PTPRD: variants seen among roughly 807,000 people sequenced by gnomAD.
The protein encoded by PTPRD is receptor-type tyrosine-protein phosphatase delta.
Under a neutral mutation model 214.5 loss-of-function variants are expected in PTPRD, and 34 were observed. The ratio of observed to expected loss-of-function variants is 0.16; its 90% CI spans 0.12 to 0.21. PTPRD has a LOEUF of 0.21. Ranked by LOEUF, PTPRD falls within the 10% of genes least tolerant of loss-of-function variation. The pLI is 1.00. For synonymous variants in PTPRD, 1,128 were observed against 845.7 expected (o/e 1.33, Z -5.79); for missense variants, 2,545 against 2,398.7 (o/e 1.06, Z -1.27).
Position 9,358,856 on chromosome 9 carries a change from G to T in PTPRD, c.-203+38593C>A, listed in dbSNP as rs144726385. ...CATTCTTGTATAGGAAACTCAAGGC[G>T]AGACGAACCAACTCTGAGAAGCCCA... On this transcript the variant is annotated intron_variant, in intron 9 of 45. Transcript: ENST00000381196. 2.6e-3 allele frequency among the ~76,000 whole-genome samples: 392 copies of T among 151,384 alleles called. 1 individual carries two copies. Among genetic ancestry groups the T allele is most frequent in the African/African-American group, 9.1e-3 (378 of 41,446 alleles).
intron 3 of PTPRD, among the ~76,000 whole-genome samples, chr9:10,170,655 C>A (rs1026344924): frequency 6.6e-6 from 1 of 152,144 alleles, no homozygotes; most frequent in African/African-American, 2.4e-5. Flanking sequence ...CCACTGCACT[C>A]CAGCCTGGGC....
At position 8,499,640 on chromosome 9, in the gene PTPRD, G is replaced by A. The variant is rs2136799787; in HGVS notation, c.2322+7C>T. ...AAAAACAGAGGTACATAATTTCAGA[G>A]GCTTACCTGTGCATCAGCCAGCATG... On this transcript the variant is annotated splice_region_variant and intron_variant, in intron 25 of 45. Transcript: ENST00000381196. The A allele has an allele frequency of 6.2e-7, 1 of 1,611,782 alleles. No homozygotes were observed. Among genetic ancestry groups the A allele is most frequent in the Non-Finnish European group, 8.5e-7 (1 of 1,179,194 alleles).
chr9:8,709,513 T>C (rs1349063142), intron 12 of PTPRD, among the ~76,000 whole-genome samples: 2 of 74,958 alleles, frequency 2.7e-5, no homozygotes, highest in African/African-American at 5.1e-5. Context: ...AGACTCCATC[T>C]CAAAAAAAAA....
At chr9:10,109,957 T>C (rs35393470) in intron 3 of PTPRD, among the ~76,000 whole-genome samples, 3,154 of 151,036 alleles carry the variant, frequency 0.021, 45 homozygotes, top group African/African-American at 0.037. Context: ...GCCAATGTTT[T>C]ATGCCAAAAA....
At chr9:8,816,510 G>T (rs961657654) in intron 11 of PTPRD, among the ~76,000 whole-genome samples, 3 of 152,154 alleles carry the variant, frequency 2.0e-5, no homozygotes, top group Non-Finnish European at 4.4e-5. Flanking sequence ...CAGCGTTTAG[G>T]AAAGGTTCCT....
At chr9:9,704,820 C>A (rs2097568858) in intron 7 of PTPRD, among the ~76,000 whole-genome samples, 1 of 152,150 alleles carries the variant, frequency 6.6e-6, no homozygotes, top group Non-Finnish European at 1.5e-5. Context: ...GTGAAACCAT[C>A]TTATAGATTC....
In PTPRD at chr9:9,261,785, T is replaced by C. The variant is rs548271994; in HGVS notation, c.-202-78422A>G. 2.6e-5 allele frequency among the ~76,000 whole-genome samples: 4 copies of C among 151,902 alleles called. No individual in the cohort carries two copies. The South Asian group carries it at 6.2e-4, about 24-fold the overall frequency. On this transcript the variant is annotated intron_variant, in intron 9 of 45. Transcript: ENST00000381196. ...AAGTCTAGCTATATCTGTTTTTGGCTAAGTGTGGCTCCTTCGTTATTTCAC... is the reference window on the plus strand; with the variant it reads ...AAGTCTAGCTATATCTGTTTTTGGCCAAGTGTGGCTCCTTCGTTATTTCAC...
intron 10 of PTPRD, among the ~76,000 whole-genome samples, chr9:9,060,700 T>C (rs2099705553): frequency 2.0e-5 from 3 of 152,152 alleles, no homozygotes; most frequent in African/African-American, 4.8e-5. Flanking sequence ...ACTAGGTATT[T>C]AATCAGAGAG....
At chr9:9,977,017 C>T (rs1440159956) in intron 4 of PTPRD, among the ~76,000 whole-genome samples, 4 of 152,116 alleles carry the variant, frequency 2.6e-5, no homozygotes, top group Non-Finnish European at 5.9e-5. Flanking sequence ...ATTTTAACCA[C>T]ATGAAAATAT....
At chr9:10,071,171 A>G (rs979425342) in intron 3 of PTPRD, among the ~76,000 whole-genome samples, 1 of 152,034 alleles carries the variant, frequency 6.6e-6, no homozygotes, top group African/African-American at 2.4e-5. Flanking sequence ...CTCAAACAAT[A>G]TTGCCAAGAT....
chr9:9,843,399 A>T (rs2058781891), intron 5 of PTPRD, among the ~76,000 whole-genome samples: 1 of 151,968 alleles, frequency 6.6e-6, no homozygotes, highest in Non-Finnish European at 1.5e-5. Flanking sequence ...CTGTTTCTCA[A>T]ATTAGGCCTT....
chr9:9,719,722 C>T (rs2097901855), intron 7 of PTPRD, among the ~76,000 whole-genome samples: 1 of 152,210 alleles, frequency 6.6e-6, no homozygotes, highest in African/African-American at 2.4e-5. Context: ...CCTCAGGGCT[C>T]CCCATGTCAG....
At chr9:10,515,264 G>T (rs2049660479) in intron 2 of PTPRD, among the ~76,000 whole-genome samples, 1 of 151,914 alleles carries the variant, frequency 6.6e-6, no homozygotes, top group African/African-American at 2.4e-5. Context: ...CATGAACTAT[G>T]AGAAAAGAAG....
chr9:10,518,602 G>A (rs970376352), intron 2 of PTPRD, among the ~76,000 whole-genome samples: 1 of 150,836 alleles, frequency 6.6e-6, no homozygotes, highest in African/African-American at 2.4e-5. Flanking sequence ...GCCCAATCTT[G>A]GCTCACTTCA....
chr9:8,711,428 A>G (rs961810155), intron 12 of PTPRD, among the ~76,000 whole-genome samples: 2 of 152,198 alleles, frequency 1.3e-5, no homozygotes, highest in African/African-American at 4.8e-5. Context: ...ATTAGCATAC[A>G]GTAACTCTCT....
intron 44 of PTPRD, among the ~76,000 whole-genome samples, chr9:8,321,925 C>G (rs1180064570): frequency 6.6e-6 from 1 of 151,804 alleles, no homozygotes. Flanking sequence ...ATTTTTCCAC[C>G]AGCACATACT....
At chr9:9,606,627 T>G (rs1343543366) in intron 7 of PTPRD, among the ~76,000 whole-genome samples, 1 of 151,928 alleles carries the variant, frequency 6.6e-6, no homozygotes, top group Non-Finnish European at 1.5e-5. Context: ...AAAAGCAGCC[T>G]TAATATTCCT....
At chr9:8,458,285 T>C (rs1037456497) in intron 33 of PTPRD, among the ~76,000 whole-genome samples, 2 of 152,172 alleles carry the variant, frequency 1.3e-5, no homozygotes, top group Admixed American at 6.5e-5. Flanking sequence ...AAAATAGTTA[T>C]CTTTTAAAAA....
At chr9:9,457,513 C>A (rs1588963595) in intron 8 of PTPRD, among the ~76,000 whole-genome samples, 1 of 151,952 alleles carries the variant, frequency 6.6e-6, no homozygotes, top group East Asian at 1.9e-4. Context: ...ATCAGAACAT[C>A]CAAGGAGGCT....
Sources: gnomAD v4.1 joint callset for allele counts (sites outside exome capture counted in the v4.1 genomes callset) on GRCh38, gnomAD v4.1.1 for gene constraint, MANE v1.5 for transcripts, NCBI Gene and HGNC (gene_info 2026-07-23, HGNC 2026-07-21) for gene names.